Variants in CSMD1 observed in about 807,000 individuals in gnomAD.
CSMD1 encodes the protein CUB and sushi domain-containing protein 1.
A neutral mutation model predicts 417.5 loss-of-function variants in CSMD1; 213 were observed. The ratio of observed to expected loss-of-function variants is 0.51; its 90% CI spans 0.46 to 0.57. The LOEUF (loss-of-function observed/expected upper bound fraction) is 0.57, where lower values mean the gene tolerates loss of function less well. Among genes scored for constraint, CSMD1 ranks in the 20% least tolerant of loss-of-function variants. The pLI, the probability that CSMD1 is intolerant of heterozygous loss-of-function variation, is 0.00. For missense variants in CSMD1, 6,923 were observed against 4,529.7 expected (o/e 1.53, Z -15.17); for synonymous variants, 2,862 against 1,736.8 (o/e 1.65, Z -16.11).
At chr8:4,593,606 G>A (rs903715801) in intron 2 of CSMD1, among the ~76,000 whole-genome samples, 3 of 152,070 alleles carry the variant, frequency 2.0e-5, no homozygotes, top group African/African-American at 7.2e-5. Flanking sequence ...ACAAATGACA[G>A]AAATATTTTT....
Position 4,317,643 on chromosome 8 carries a change from T to C in CSMD1, c.415+102310A>G, listed in dbSNP as rs1010677264. Among the ~76,000 whole-genome samples the C allele has an allele frequency of 9.2e-5, 14 of 151,808 alleles. No homozygotes were observed. In the East Asian group the frequency reaches 2.1e-3, roughly 23 times the overall value. On this transcript the variant is annotated intron_variant, in intron 3 of 69. Coordinates refer to ENST00000635120, the MANE Select transcript of CSMD1 (RefSeq NM_033225.6). ...AGAGAGAGAGAGAGAGACAATTTTATTTACTGACAAGCAGGAAGTTTAAAT... is the reference window on the plus strand; with the variant it reads ...AGAGAGAGAGAGAGAGACAATTTTACTTACTGACAAGCAGGAAGTTTAAAT...
intron 23 of CSMD1, among the ~76,000 whole-genome samples, chr8:3,341,743 T>G (rs12547434): frequency 0.024 from 3,687 of 152,250 alleles, 80 homozygotes; most frequent in East Asian, 0.085. Flanking sequence ...GCCGTAGGTG[T>G]GCATGGAACT....
chr8:4,311,446 G>A (rs1451977432), intron 3 of CSMD1, among the ~76,000 whole-genome samples: 1 of 152,114 alleles, frequency 6.6e-6, no homozygotes, highest in Non-Finnish European at 1.5e-5. Flanking sequence ...TCTAAGTCTG[G>A]ACATCGTGGC....
chr8:4,474,844 T>C (rs1045469653), intron 2 of CSMD1, among the ~76,000 whole-genome samples: 1 of 152,182 alleles, frequency 6.6e-6, no homozygotes, highest in African/African-American at 2.4e-5. Flanking sequence ...ATAGTAAATA[T>C]ATTTTCTCTT....
chr8:4,406,631 G>T (rs970650495), intron 3 of CSMD1, among the ~76,000 whole-genome samples: 14 of 152,064 alleles, frequency 9.2e-5, no homozygotes, highest in Non-Finnish European at 1.6e-4. Flanking sequence ...GCTGGGACTG[G>T]CCACACAACA....
chr8:3,284,087 G>C (rs1802951637), intron 26 of CSMD1, 57 bp downstream of exon 26: 2 of 1,299,796 alleles, frequency 1.5e-6, no homozygotes, highest in East Asian at 2.5e-5. Flanking sequence ...AGGGAGATCT[G>C]TGTTCATGAC....
At chr8:3,535,155 T>C (rs1161190071) in intron 10 of CSMD1, among the ~76,000 whole-genome samples, 2 of 151,980 alleles carry the variant, frequency 1.3e-5, no homozygotes, top group East Asian at 3.9e-4. Flanking sequence ...GGTCTCACCA[T>C]GGTGCCCATG....
intron 2 of CSMD1, among the ~76,000 whole-genome samples, chr8:4,634,009 A>C (rs932121281): frequency 6.6e-6 from 1 of 151,794 alleles, no homozygotes; most frequent in Admixed American, 6.6e-5. Flanking sequence ...AAAAAAAAAA[A>C]ACAATGAAGA....
chr8:3,403,550 A>G (rs558652290), intron 15 of CSMD1, among the ~76,000 whole-genome samples: 1 of 152,322 alleles, frequency 6.6e-6, no homozygotes, highest in Admixed American at 6.5e-5. Context: ...CTTTAACCTC[A>G]TCCTGTTTGT....
chr8:3,135,713 T>C (rs1166289995), intron 41 of CSMD1, among the ~76,000 whole-genome samples: 2 of 152,098 alleles, frequency 1.3e-5, no homozygotes, highest in Non-Finnish European at 2.9e-5. Flanking sequence ...GCTGATCACA[T>C]TTCTGACTCT....
At chr8:3,200,722 T>C (rs1796948975) in intron 32 of CSMD1, among the ~76,000 whole-genome samples, 1 of 152,112 alleles carries the variant, frequency 6.6e-6, no homozygotes, top group African/African-American at 2.4e-5. Context: ...TTAATGTGTA[T>C]CCTCTGATGC....
chr8:4,113,574 T>C (rs1400518344), intron 3 of CSMD1, among the ~76,000 whole-genome samples: 1 of 151,996 alleles, frequency 6.6e-6, no homozygotes, highest in Non-Finnish European at 1.5e-5. Flanking sequence ...CTGGCTAATT[T>C]TCTGTTATTT....
chr8:4,509,205 A>G (rs1002593169), intron 2 of CSMD1, among the ~76,000 whole-genome samples: 2 of 152,164 alleles, frequency 1.3e-5, no homozygotes, highest in Admixed American at 1.3e-4. Context: ...AACATTATAA[A>G]TTTGCAAGAT....
At chr8:3,576,170 A>C (rs1399630062) in intron 9 of CSMD1, among the ~76,000 whole-genome samples, 1 of 152,100 alleles carries the variant, frequency 6.6e-6, no homozygotes, top group Non-Finnish European at 1.5e-5. Flanking sequence ...CTTGTGACTT[A>C]ACAAGGGCTA....
intron 1 of CSMD1, among the ~76,000 whole-genome samples, chr8:4,643,704 C>T (rs577812656): frequency 2.2e-4 from 33 of 152,218 alleles, no homozygotes; most frequent in African/African-American, 5.1e-4. Flanking sequence ...CTGTTTGAAA[C>T]GGTAAACAAA....
chr8:3,912,266 T>G (rs1808512029), intron 5 of CSMD1, among the ~76,000 whole-genome samples: 1 of 152,184 alleles, frequency 6.6e-6, no homozygotes, highest in Admixed American at 6.5e-5. Context: ...CACTAATTAT[T>G]CAAAAAACAA....
chr8:4,764,100 A>C (rs946381379), intron 1 of CSMD1, among the ~76,000 whole-genome samples: 1 of 152,190 alleles, frequency 6.6e-6, no homozygotes, highest in African/African-American at 2.4e-5. Flanking sequence ...CTCCACCTCC[A>C]GAGAGGTAAT....
chr8:3,009,849 C>T (rs1215395798), intron 52 of CSMD1, among the ~76,000 whole-genome samples: 53 of 152,258 alleles, frequency 3.5e-4, no homozygotes, highest in Admixed American at 3.4e-3. Context: ...TCCATTTGAT[C>T]AGATCTCTGC....
rs112849167 is a variant in CSMD1 at position 3,727,050 on chromosome 8, T to C, written c.932-18559A>G. ...TTCTCTTAGTTACTAATGGTAGCTA[T>C]CCTTTTTTCTCTCTATATAAAGATA... On this transcript the variant is annotated intron_variant, in intron 6 of 69. Transcript: ENST00000635120. Among the ~76,000 whole-genome samples the C allele has an allele frequency of 7.9e-4, 120 of 152,324 alleles. 1 individual carries two copies. Among genetic ancestry groups the C allele is most frequent in the South Asian group, 6.4e-3 (31 of 4,830 alleles).
Sources: gnomAD v4.1 joint callset for allele counts (sites outside exome capture counted in the v4.1 genomes callset) on GRCh38, gnomAD v4.1.1 for gene constraint, MANE v1.5 for transcripts, NCBI Gene and HGNC (gene_info 2026-07-23, HGNC 2026-07-21) for gene names.